The following SEPTIN7 variants were observed in gnomAD, a reference collection of about 807,000 sequenced individuals.
The protein encoded by SEPTIN7 is septin 7, also known as septin-7.
Under a neutral mutation model 63.3 loss-of-function variants are expected in SEPTIN7, and 10 were observed. That is an observed-to-expected ratio of 0.16 (90% CI 0.10 to 0.27). The LOEUF (loss-of-function observed/expected upper bound fraction) is 0.27, where lower values mean the gene tolerates loss of function less well. Among genes scored for constraint, SEPTIN7 ranks in the 10% least tolerant of loss-of-function variants. The pLI is 1.00. For synonymous variants in SEPTIN7, 131 were observed against 165.3 expected (o/e 0.79, Z 1.59); for missense variants, 310 against 521.0 (o/e 0.59, Z 3.94).
chr7:35,801,469 TTTGAA>T (rs1787966072), intron 1 of SEPTIN7, among the ~76,000 whole-genome samples, 199 bp downstream of exon 1: 1 of 144,602 alleles, frequency 6.9e-6, no homozygotes, highest in South Asian at 2.2e-4. Context: ...GCGGTGACAG[TTTGAA>T]TTGAACGTGA....
At chr7:35,822,611 G>A (rs973477977) in intron 1 of SEPTIN7, among the ~76,000 whole-genome samples, 4 of 152,110 alleles carry the variant, frequency 2.6e-5, no homozygotes, top group African/African-American at 4.8e-5. Context: ...TTGCTTGCCC[G>A]CCACTTACCT....
At chr7:35,883,012 A>G (rs1786995784) in intron 8 of SEPTIN7, among the ~76,000 whole-genome samples, 1 of 152,090 alleles carries the variant, frequency 6.6e-6, no homozygotes, top group South Asian at 2.1e-4. Flanking sequence ...TGTAGTTAAC[A>G]GTAATTTAGT....
chr7:35,817,398 G>A (rs1789140152), intron 1 of SEPTIN7, among the ~76,000 whole-genome samples: 1 of 151,988 alleles, frequency 6.6e-6, no homozygotes, highest in Non-Finnish European at 1.5e-5. Flanking sequence ...GTTTCTTATT[G>A]ATCTATATGT....
intron 3 of SEPTIN7, among the ~76,000 whole-genome samples, chr7:35,843,197 T>C (rs1453868269): frequency 6.6e-6 from 1 of 152,202 alleles, no homozygotes; most frequent in Non-Finnish European, 1.5e-5. Flanking sequence ...GATTAGTTAA[T>C]TGCAGGGGGA....
intron 10 of SEPTIN7, among the ~76,000 whole-genome samples, chr7:35,889,092 A>T (rs1195221932): frequency 6.6e-6 from 1 of 152,226 alleles, no homozygotes; most frequent in African/African-American, 2.4e-5. Flanking sequence ...TACTTGTACC[A>T]AAAATGAATG....
At position 35,807,351 on chromosome 7, in the gene SEPTIN7, ATTTTTTTTTTTTT is replaced by A. The variant is rs70974769; in HGVS notation, c.61+6098_61+6110del. 1.5e-3 allele frequency among the ~76,000 whole-genome samples: 34 copies of A among 22,228 alleles called. 1 individual carries two copies. Among genetic ancestry groups the A allele is most frequent in the Middle Eastern group, 0.056 (2 of 36 alleles). 14.6% of individuals were successfully genotyped at this position (22,228 alleles called of 152,430 possible). On this transcript the variant is annotated intron_variant, in intron 1 of 13. Coordinates refer to ENST00000350320, the MANE Select transcript of SEPTIN7 (RefSeq NM_001788.6). ...GGCATGTGCCACCATGCCCGGCTGA[ATTTTTTTTTTTTT>A]TTTTTTTTTTTTTTTTAGATGGAGT...
intron 3 of SEPTIN7, among the ~76,000 whole-genome samples, chr7:35,838,295 T>TC (rs1294763975): frequency 1.7e-4 from 2 of 11,670 alleles, no homozygotes; most frequent in African/African-American, 6.3e-4. Context: ...CTTCCTTCCT[T>TC]CCTTCCTTCC....
At chr7:35,811,982 C>T in intron 1 of SEPTIN7, 1 of 182,596 alleles carries the variant, frequency 5.5e-6, no homozygotes, top group South Asian at 6.8e-5. Flanking sequence ...AAAAAATTAG[C>T]CAGACATGGT....
In SEPTIN7 at chr7:35,805,937, G is replaced by A. The variant is rs541429431; in HGVS notation, c.61+4667G>A. ...ATTGGAGGTGAGGCTCCAGGTCAGA[G>A]TTTCTCATTTGAGGTTTTGTAATTA... On this transcript the variant is annotated intron_variant, in intron 1 of 13. Coordinates refer to ENST00000350320, the MANE Select transcript of SEPTIN7 (RefSeq NM_001788.6). Among the ~76,000 whole-genome samples the A allele has an allele frequency of 3.1e-4, 47 of 152,310 alleles. 1 individual carries two copies. In the South Asian group the frequency reaches 9.5e-3, roughly 31 times the overall value.
At chr7:35,815,108 C>G (rs76311028) in intron 1 of SEPTIN7, 15,843 of 410,086 alleles carry the variant, frequency 0.039, 654 homozygotes, top group Admixed American at 0.14. Flanking sequence ...TCAGGTGGCT[C>G]TTGTTCATCC....
At chr7:35,883,474 T>C (rs1461628046) in intron 8 of SEPTIN7, among the ~76,000 whole-genome samples, 4 of 152,110 alleles carry the variant, frequency 2.6e-5, no homozygotes, top group Admixed American at 2.6e-4. Context: ...TTAACAAATA[T>C]ACTATTACCT....
the SEPTIN7 span, among the ~76,000 whole-genome samples, chr7:35,914,944 G>A: frequency 8.6e-5 from 13 of 151,916 alleles, no homozygotes; most frequent in South Asian, 2.1e-4. Flanking sequence ...ATATGCACAC[G>A]TATCCATGCA....
chr7:35,873,955 C>A, intron 6 of SEPTIN7, 180 bp downstream of exon 6: 1 of 521,876 alleles, frequency 1.9e-6, no homozygotes, highest in Non-Finnish European at 3.3e-6. Context: ...TATAAGCTAA[C>A]AGTGATTTTA....
chr7:35,815,263 G>T, intron 1 of SEPTIN7: 1 of 361,558 alleles, frequency 2.8e-6, no homozygotes, highest in Non-Finnish European at 5.4e-6. Context: ...ACCAAGATCT[G>T]GGCACCAGAA....
chr7:35,883,258 A>T (rs1787012313), intron 8 of SEPTIN7, among the ~76,000 whole-genome samples: 1 of 152,136 alleles, frequency 6.6e-6, no homozygotes, highest in East Asian at 1.9e-4. Flanking sequence ...TTTTCTATGT[A>T]CTTTGGCCCT....
chr7:35,833,217 A>T (rs1409353833), intron 3 of SEPTIN7, among the ~76,000 whole-genome samples: 1 of 152,002 alleles, frequency 6.6e-6, no homozygotes, highest in Non-Finnish European at 1.5e-5. Context: ...CTACTCCAGG[A>T]TAGTTTTGTT....
At chr7:35,824,896 AT>A (rs758731607) in intron 1 of SEPTIN7, among the ~76,000 whole-genome samples, 49 of 152,216 alleles carry the variant, frequency 3.2e-4, no homozygotes, top group Admixed American at 1.2e-3. Context: ...TTTGATTCTT[AT>A]ACTAAGTCTT....
At chr7:35,891,090 A>G (rs759276467) in intron 11 of SEPTIN7, among the ~76,000 whole-genome samples, 1 of 152,114 alleles carries the variant, frequency 6.6e-6, no homozygotes, top group Non-Finnish European at 1.5e-5. Context: ...CAGGGAGTAA[A>G]TTAGCTGGAG....
chr7:35,881,344 A>G (rs537966255), intron 7 of SEPTIN7, among the ~76,000 whole-genome samples: 2 of 152,042 alleles, frequency 1.3e-5, no homozygotes, highest in East Asian at 1.9e-4. Context: ...AAAAAGATGA[A>G]TATGAAGTGA....
Sources: gnomAD v4.1 joint callset for allele counts (sites outside exome capture counted in the v4.1 genomes callset) on GRCh38, gnomAD v4.1.1 for gene constraint, MANE v1.5 for transcripts, NCBI Gene and HGNC (gene_info 2026-07-23, HGNC 2026-07-21) for gene names.